The following CSMD1 variants were observed in gnomAD, a reference collection of about 807,000 sequenced individuals.
CSMD1 encodes the protein CUB and sushi domain-containing protein 1.
Under a neutral mutation model 417.5 loss-of-function variants are expected in CSMD1, and 213 were observed. The observed-to-expected ratio is 0.51, with a 90% CI of 0.46 to 0.57. The LOEUF is 0.57. Among genes scored for constraint, CSMD1 ranks in the 20% least tolerant of loss-of-function variants. The probability of loss-of-function intolerance (pLI) is 0.00; values close to 1 mark genes in which losing one functional copy is unlikely to be tolerated. For missense variants in CSMD1, 6,923 were observed against 4,529.7 expected (o/e 1.53, Z -15.17); for synonymous variants, 2,862 against 1,736.8 (o/e 1.65, Z -16.11).
Position 4,610,504 on chromosome 8 carries a change from C to T in CSMD1, c.302+26838G>A, listed in dbSNP as rs565657134. 9.2e-5 allele frequency among the ~76,000 whole-genome samples: 14 copies of T among 152,294 alleles called. No homozygotes were observed. In the South Asian group the frequency reaches 1.7e-3, roughly 18 times the overall value. ...AAGCTGAGACTCCATAAACACCACT[C>T]TTTCTATGATGCCACCTTTATAAAG... On this transcript the variant is annotated intron_variant, in intron 2 of 69. Transcript: ENST00000635120.
At chr8:3,373,869 G>C (rs1310856287) in intron 18 of CSMD1, 2 of 152,064 alleles carry the variant, frequency 1.3e-5, no homozygotes, top group South Asian at 4.2e-4. Context: ...GGAGGACTAA[G>C]ATATGCAGAA....
At chr8:3,892,674 A>G (rs1563184280) in intron 5 of CSMD1, among the ~76,000 whole-genome samples, 1 of 150,550 alleles carries the variant, frequency 6.6e-6, no homozygotes, top group Admixed American at 6.6e-5. Context: ...ACTGGGTTCA[A>G]GGTGAATTAA....
At chr8:4,408,805 A>G (rs765689270) in intron 3 of CSMD1, among the ~76,000 whole-genome samples, 14 of 152,202 alleles carry the variant, frequency 9.2e-5, no homozygotes, top group Non-Finnish European at 1.6e-4. Context: ...AAGAAAAAAA[A>G]TAGCACAATA....
At chr8:4,064,382 G>T (rs751947085) in intron 3 of CSMD1, among the ~76,000 whole-genome samples, 10 of 152,166 alleles carry the variant, frequency 6.6e-5, no homozygotes, top group Non-Finnish European at 1.2e-4. Context: ...TTCTGCAGTT[G>T]TTTTCTCCCT....
chr8:4,874,946 AT>A, intron 1 of CSMD1, among the ~76,000 whole-genome samples: 1 of 150,946 alleles, frequency 6.6e-6, no homozygotes, highest in South Asian at 2.1e-4. Flanking sequence ...TTTTCATTTC[AT>A]TTTTATCTTT....
chr8:3,870,151 T>C (rs1805380921), intron 5 of CSMD1, among the ~76,000 whole-genome samples: 2 of 152,184 alleles, frequency 1.3e-5, no homozygotes, highest in Admixed American at 1.3e-4. Context: ...CACATTATTT[T>C]ACAATTTGAA....
chr8:3,170,577 T>C (rs1406755974), intron 37 of CSMD1, among the ~76,000 whole-genome samples: 1 of 152,254 alleles, frequency 6.6e-6, no homozygotes, highest in Non-Finnish European at 1.5e-5. Flanking sequence ...TACTGCATTT[T>C]AAGTCTTTTG....
chr8:3,811,410 G>C (rs549850010), intron 5 of CSMD1, among the ~76,000 whole-genome samples: 4 of 152,208 alleles, frequency 2.6e-5, no homozygotes, highest in African/African-American at 9.6e-5. Context: ...ATGTAGTAAG[G>C]CATTTGCTTC....
chr8:3,326,817 C>G (rs79996611), intron 23 of CSMD1, among the ~76,000 whole-genome samples: 7,253 of 152,120 alleles, frequency 0.048, 414 homozygotes, highest in East Asian at 0.25. Flanking sequence ...TTTCTTATAG[C>G]AGAAGTGTAA....
At chr8:3,490,670 G>C (rs1818321270) in intron 11 of CSMD1, among the ~76,000 whole-genome samples, 1 of 152,088 alleles carries the variant, frequency 6.6e-6, no homozygotes, top group Non-Finnish European at 1.5e-5. Flanking sequence ...ACTTCCCTCA[G>C]GGTCATGGGG....
At chr8:3,891,146 T>C (rs571298655) in intron 5 of CSMD1, among the ~76,000 whole-genome samples, 2 of 152,216 alleles carry the variant, frequency 1.3e-5, no homozygotes, top group African/African-American at 4.8e-5. Flanking sequence ...CCTCTTGGGC[T>C]TAAGTGATCC....
At chr8:3,876,641 G>A (rs546665271) in intron 5 of CSMD1, among the ~76,000 whole-genome samples, 93 of 152,246 alleles carry the variant, frequency 6.1e-4, no homozygotes, top group African/African-American at 2.1e-3. Flanking sequence ...ACAGAGTCTT[G>A]CTCTGTTGCC....
rs141775780 is a variant in CSMD1, at chr8:4,913,555, G to A, written c.85+80777C>T. Reference sequence around the variant, plus strand: ...CCCTCAAAGAGCTCTACAGGGGAACGCCACCAACATATGCGTCCACAGCTC... The same window carrying A: ...CCCTCAAAGAGCTCTACAGGGGAACACCACCAACATATGCGTCCACAGCTC... On this transcript the variant is annotated intron_variant, in intron 1 of 69. Coordinates refer to ENST00000635120, the MANE Select transcript of CSMD1 (RefSeq NM_033225.6). Among the ~76,000 whole-genome samples the A allele has an allele frequency of 8.0e-4, 122 of 152,276 alleles. 1 individual carries two copies. The highest frequency in any genetic ancestry group is 2.8e-3 in the African/African-American group (117 of 41,550).
chr8:3,029,406 G>C lies in CSMD1; in HGVS notation c.7768C>G (p.Pro2590Ala), dbSNP rs201724174. The C allele has an allele frequency of 3.0e-5, 48 of 1,611,926 alleles. No homozygotes were observed. In the African/African-American group the frequency reaches 5.2e-4, roughly 18 times the overall value. The change falls in exon 51 of 70, where the codon CCT (proline) becomes GCT (alanine). Residue 2590 changes from proline (P) to alanine (A), a missense_variant. Pro to Ala is a conservative substitution (Grantham distance 27). Coordinates refer to ENST00000635120, the MANE Select transcript of CSMD1 (RefSeq NM_033225.6). The stretch of plus-strand genomic sequence containing the variant: ...CTCCAGCCTTCTAAGTAGTAACCAG[G>C]ACTGCAGCTCAGCAATACTTGAGCA... Reference protein sequence around the residue: ...YGAQVLLSCSPGYYLEGWRLL... With the variant: ...YGAQVLLSCSAGYYLEGWRLL...
At chr8:3,214,468 T>C in intron 30 of CSMD1, 29 bp downstream of exon 30, 1 of 1,494,454 alleles carries the variant, frequency 6.7e-7, no homozygotes, top group Non-Finnish European at 8.9e-7. Context: ...AAAGTTGTAT[T>C]TCTAGAAAAT....
chr8:3,677,163 G>A (rs1381666204), intron 7 of CSMD1, among the ~76,000 whole-genome samples: 2 of 151,856 alleles, frequency 1.3e-5, no homozygotes, highest in Admixed American at 6.6e-5. Flanking sequence ...AGAACTTAAA[G>A]TAAAATAAAA....
At chr8:3,138,681 T>C (rs1472402213) in intron 41 of CSMD1, among the ~76,000 whole-genome samples, 1 of 152,104 alleles carries the variant, frequency 6.6e-6, no homozygotes, top group Non-Finnish European at 1.5e-5. Context: ...CAGGCTGAGA[T>C]TGCTACACGT....
At chr8:3,097,788 T>C (rs986212117) in intron 46 of CSMD1, among the ~76,000 whole-genome samples, 19 of 152,140 alleles carry the variant, frequency 1.2e-4, no homozygotes, top group African/African-American at 4.3e-4. Flanking sequence ...GTACTTAGCA[T>C]AGTAATATTT....
At chr8:4,411,556 T>C (rs568581169) in intron 3 of CSMD1, among the ~76,000 whole-genome samples, 5 of 152,200 alleles carry the variant, frequency 3.3e-5, no homozygotes, top group Non-Finnish European at 4.4e-5. Context: ...CATTAATTAA[T>C]TTTTTCTGTG....
Sources: allele counts gnomAD v4.1 joint callset (sites outside exome capture counted in the v4.1 genomes callset), GRCh38; gene constraint gnomAD v4.1.1; transcripts MANE v1.5; gene names NCBI Gene and HGNC (gene_info 2026-07-23, HGNC 2026-07-21).